The following DLEC1 variants were observed in gnomAD, a reference collection of about 807,000 sequenced individuals.
DLEC1 encodes deleted in lung and esophageal cancer protein 1.
A neutral mutation model predicts 198.1 loss-of-function variants in DLEC1; 146 were observed. The ratio of observed to expected loss-of-function variants is 0.74; its 90% CI spans 0.64 to 0.85. The LOEUF (loss-of-function observed/expected upper bound fraction) is 0.85, where lower values mean the gene tolerates loss of function less well. DLEC1 is among the 40% of genes least tolerant of loss of function. The pLI is 0.00. For synonymous variants in DLEC1, 897 were observed against 866.8 expected, an observed-to-expected ratio of 1.03 and a Z score of -0.61; for missense variants, 2,233 against 2,220.0, an observed-to-expected ratio of 1.01 and a Z score of -0.12.
rs374917641 is a variant in DLEC1, at chr3:38,121,724, C to T, written c.4963C>T (p.Arg1655Trp). The change falls in exon 35 of 37, where the codon CGG (arginine) becomes TGG (tryptophan). Residue 1655 changes from arginine (R) to tryptophan (W), a missense_variant. By Grantham distance (101) the Arg-to-Trp change is moderately radical (BLOSUM62 -3). Coordinates refer to ENST00000308059, the MANE Select transcript of DLEC1 (RefSeq NM_007335.4). The stretch of plus-strand genomic sequence containing the variant: ...CTGCTTTGTGAGCCAGCAGCGAGTC[C>T]GGGAGGTCTACCTGATGAACCTGAG... ...GTCFVSQQRV[R>W]EVYLMNLSGC... The T allele has an allele frequency of 2.8e-5, 45 of 1,613,920 alleles. No individual in the cohort carries two copies. The highest frequency in any genetic ancestry group is 4.4e-5 in the South Asian group (4 of 91,090).
chr3:38,085,364 A>G lies in DLEC1; in HGVS notation c.1352A>G (p.Asp451Gly). The G allele has an allele frequency of 6.2e-7, 1 of 1,614,064 alleles. No homozygotes were observed. The highest frequency in any genetic ancestry group is 8.5e-7 in the Non-Finnish European group (1 of 1,180,018). ...QFFPDCLGDF[D>G]DFILVETQSA... ...TTTCCCGACTGCCTTGGGGATTTTG[A>G]TGATTTTATTTTAGTGGAGACCCAG... Residue 451 changes from aspartate to glycine, a missense_variant, in exon 8 of 37, where the codon GAT becomes GGT. Physicochemically the swap from Asp to Gly is moderately conservative, Grantham distance 94 (BLOSUM62 -1). Coordinates refer to ENST00000308059, the MANE Select transcript of DLEC1 (RefSeq NM_007335.4).
At chr3:38,063,187 A>G (rs73062818) in intron 5 of DLEC1, among the ~76,000 whole-genome samples, 2,105 of 152,342 alleles carry the variant, frequency 0.014, 23 homozygotes, top group South Asian at 0.027. Flanking sequence ...TTGCCTATAT[A>G]TCAGTAACTG....
At chr3:38,114,510 C>G (rs779460519) in intron 26 of DLEC1, 50 bp downstream of exon 26, 1 of 1,580,606 alleles carries the variant, frequency 6.3e-7, no homozygotes, top group Non-Finnish European at 8.7e-7. Context: ...CCCTGAAACC[C>G]TCCGGCCTCC....
chr3:38,076,939 G>A (rs1396265018), intron 6 of DLEC1, among the ~76,000 whole-genome samples: 3 of 152,142 alleles, frequency 2.0e-5, no homozygotes, highest in African/African-American at 7.2e-5. Context: ...GGGTGATATT[G>A]TGGGGTTGTT....
chr3:38,071,451 G>C (rs1364131467), intron 6 of DLEC1, among the ~76,000 whole-genome samples: 1 of 152,196 alleles, frequency 6.6e-6, no homozygotes, highest in Non-Finnish European at 1.5e-5. Context: ...ATGAAATGAC[G>C]ACAGAATAGA....
intron 34 of DLEC1, 52 bp from the exon 35 acceptor site, chr3:38,121,576 G>A: frequency 1.3e-6 from 2 of 1,579,826 alleles, no homozygotes; most frequent in Non-Finnish European, 8.6e-7. Context: ...TGTCCCAGAG[G>A]CCCTGGCTCA....
chr3:38,083,463 A>G (rs374189558), intron 6 of DLEC1, among the ~76,000 whole-genome samples: 1 of 152,368 alleles, frequency 6.6e-6, no homozygotes, highest in East Asian at 1.9e-4. Context: ...ACTTAAGGCA[A>G]GGATGGGCCA....
At chr3:38,094,160 T>C (rs1193612725) in intron 12 of DLEC1, among the ~76,000 whole-genome samples, 2 of 152,146 alleles carry the variant, frequency 1.3e-5, no homozygotes, top group Non-Finnish European at 2.9e-5. Context: ...ACCATGCCTG[T>C]GTAGGGGAAG....
chr3:38,053,358 C>T (rs564358545), intron 2 of DLEC1, among the ~76,000 whole-genome samples: 177 of 151,446 alleles, frequency 1.2e-3, no homozygotes, highest in African/African-American at 4.1e-3. Flanking sequence ...CGTCTCTGCC[C>T]GGCCGCCCAT....
At chr3:38,083,348 G>T (rs960405695) in intron 6 of DLEC1, among the ~76,000 whole-genome samples, 1 of 151,590 alleles carries the variant, frequency 6.6e-6, no homozygotes, top group Non-Finnish European at 1.5e-5. Context: ...AGTCAAAGGG[G>T]GTTTGTTCTC....
intron 21 of DLEC1, 62 bp from the exon 22 acceptor site, chr3:38,109,370 C>A (rs1699739848): frequency 6.2e-7 from 1 of 1,602,568 alleles, no homozygotes; most frequent in Admixed American, 1.7e-5. Context: ...TGCGGAAGAC[C>A]ATCTGGGCTC....
intron 10 of DLEC1, among the ~76,000 whole-genome samples, 194 bp downstream of exon 10, chr3:38,088,582 A>AG (rs1459671158): frequency 2.6e-5 from 4 of 152,132 alleles, no homozygotes; most frequent in African/African-American, 9.7e-5. Context: ...TCACAAAGCA[A>AG]ATGCAGATAG....
intron 6 of DLEC1, among the ~76,000 whole-genome samples, chr3:38,070,262 T>C (rs1697244505): frequency 6.6e-6 from 1 of 152,120 alleles, no homozygotes; most frequent in Non-Finnish European, 1.5e-5. Context: ...TTTGTGTCCA[T>C]GGGAAGAATG....
At chr3:38,093,832 C>T in intron 12 of DLEC1, 65 bp downstream of exon 12, 1 of 1,587,840 alleles carries the variant, frequency 6.3e-7, no homozygotes, top group South Asian at 1.1e-5. Context: ...CCCTCAGTCC[C>T]AGTGAGACAG....
chr3:38,085,126 A>G (rs1698380707), intron 7 of DLEC1, 148 bp from the exon 8 acceptor site: 2 of 816,278 alleles, frequency 2.5e-6, no homozygotes, highest in Admixed American at 2.5e-5. Flanking sequence ...CTCCCCTCGC[A>G]TGCCCTTTTC....
rs373636730 is a variant in DLEC1, at chr3:38,109,634, C to T, written c.3260+72C>T. On this transcript the variant is annotated intron_variant, in intron 22 of 36. Transcript: ENST00000308059. ...GAGGCAGCCGCGCCCAGGACCAGCA[C>T]GGCACTGTGGTATCAGTCTGCGCCC... The T allele has an allele frequency of 7.0e-5, 112 of 1,605,084 alleles. 5 individuals are homozygous for T. The highest frequency in any genetic ancestry group is 3.7e-4 in the Admixed American group (22 of 59,758).
chr3:38,073,362 G>C (rs577081172), intron 6 of DLEC1, among the ~76,000 whole-genome samples: 2 of 152,200 alleles, frequency 1.3e-5, no homozygotes, highest in Non-Finnish European at 2.9e-5. Context: ...TGTAGCAGGC[G>C]AGTGATAACA....
At chr3:38,118,223 T>C (rs1700286670) in intron 33 of DLEC1, among the ~76,000 whole-genome samples, 199 bp downstream of exon 33, 1 of 152,136 alleles carries the variant, frequency 6.6e-6, no homozygotes, top group Non-Finnish European at 1.5e-5. Flanking sequence ...GTGGCTCACA[T>C]GGGCATGGCC....
chr3:38,111,565 C>G (rs1052452302), intron 23 of DLEC1, 112 bp from the exon 24 acceptor site: 2 of 1,132,338 alleles, frequency 1.8e-6, no homozygotes, highest in African/African-American at 3.1e-5. Flanking sequence ...GCAGGCAGGG[C>G]CACCTTCCTC....
Sources: gnomAD v4.1 joint callset for allele counts (sites outside exome capture counted in the v4.1 genomes callset) on GRCh38, gnomAD v4.1.1 for gene constraint, MANE v1.5 for transcripts, NCBI Gene and HGNC (gene_info 2026-07-23, HGNC 2026-07-21) for gene names.